TASOR2: variants seen among roughly 807,000 people sequenced by gnomAD.
TASOR2 encodes the protein transcription activation suppressor family member 2.
Under a neutral mutation model 199.5 loss-of-function variants are expected in TASOR2, and 84 were observed. That is an observed-to-expected ratio of 0.42 (90% CI 0.35 to 0.50). The LOEUF is 0.50. Among genes scored for constraint, TASOR2 ranks in the 20% least tolerant of loss-of-function variants. The probability of loss-of-function intolerance (pLI) is 0.02; values close to 1 mark genes in which losing one functional copy is unlikely to be tolerated. For synonymous variants in TASOR2, 1,103 were observed against 1,046.6 expected (o/e 1.05, Z -1.04); for missense variants, 2,796 against 2,835.9 (o/e 0.99, Z 0.32).
At chr10:5,704,804 T>C (rs776781579) in intron 1 of TASOR2, among the ~76,000 whole-genome samples, 5 of 152,214 alleles carry the variant, frequency 3.3e-5, no homozygotes, top group African/African-American at 7.2e-5. Context: ...CTTTAACTTA[T>C]GAACCATTTA....
intron 14 of TASOR2, among the ~76,000 whole-genome samples, chr10:5,743,499 T>G (rs75282168): frequency 0.024 from 3,692 of 152,278 alleles, 137 homozygotes; most frequent in Admixed American, 0.11. Context: ...GTAAAGAAAT[T>G]GCCTAAAGTC....
At chr10:5,759,882 A>G (rs1027463799) in intron 18 of TASOR2, among the ~76,000 whole-genome samples, 1 of 152,250 alleles carries the variant, frequency 6.6e-6, no homozygotes, top group African/African-American at 2.4e-5. Context: ...GGGTATGACC[A>G]TTCACAGCGG....
chr10:5,716,961 ATTTGTT>A (rs922199016), intron 2 of TASOR2, among the ~76,000 whole-genome samples: 8 of 134,182 alleles, frequency 6.0e-5, no homozygotes, highest in Non-Finnish European at 1.0e-4. Context: ...TATTTGCTTC[ATTTGTT>A]TAATTTTTTT....
chr10:5,736,055 A>AGCC (rs1835526823), intron 12 of TASOR2, among the ~76,000 whole-genome samples: 2 of 152,082 alleles, frequency 1.3e-5, no homozygotes, highest in South Asian at 4.1e-4. Flanking sequence ...CTCCCACCTC[A>AGCC]GCCCCCTCAA....
intron 2 of TASOR2, among the ~76,000 whole-genome samples, chr10:5,716,913 A>AATAT (rs1016030199): frequency 9.8e-4 from 144 of 147,574 alleles, no homozygotes; most frequent in African/African-American, 3.3e-3. Flanking sequence ...TATAAATATA[A>AATAT]ATATATATAT....
Position 5,699,278 on chromosome 10 carries a change from C to A in TASOR2, c.-287-13545C>A, listed in dbSNP as rs1837518408. 6.6e-6 allele frequency among the ~76,000 whole-genome samples: 1 copy of A among 152,094 alleles called. No homozygotes were observed. The highest frequency in any genetic ancestry group is 1.5e-5 in the Non-Finnish European group (1 of 67,994). On this transcript the variant is annotated intron_variant, in intron 1 of 20. Coordinates refer to ENST00000328090, the Ensembl canonical transcript of TASOR2. This position sits in a 1 kb window ranked among gnomAD's most constrained non-coding sequence, Gnocchi z 4.1. ...AGGAAATGGTCTGGAATAGGCAAATCTGTAGAGACCGAAAGTAAATTATGG... is the reference window on the plus strand; with the variant it reads ...AGGAAATGGTCTGGAATAGGCAAATATGTAGAGACCGAAAGTAAATTATGG...
At chr10:5,712,240 C>T in intron 1 of TASOR2, 1 of 448,672 alleles carries the variant, frequency 2.2e-6, no homozygotes, top group Non-Finnish European at 3.6e-6. Context: ...TTCTTTACAT[C>T]AGAGGTCTTT....
In TASOR2 at chr10:5,705,144, C is replaced by T. The variant is rs562460204; in HGVS notation, c.-287-7679C>T. ...CCAGAAAGTTCCCTTGTGCATACCCCACTTGTAGTCAATTTTCCTATTCCT... is the reference window on the plus strand; with the variant it reads ...CCAGAAAGTTCCCTTGTGCATACCCTACTTGTAGTCAATTTTCCTATTCCT... On this transcript the variant is annotated intron_variant, in intron 1 of 20. Coordinates refer to ENST00000328090, the Ensembl canonical transcript of TASOR2. Among the ~76,000 whole-genome samples, 285 of 152,298 alleles carry T rather than the reference C, an allele frequency of 1.9e-3. 1 individual carries two copies. Among genetic ancestry groups the T allele is most frequent in the African/African-American group, 6.4e-3 (265 of 41,560 alleles).
Position 5,756,611 on chromosome 10 carries a change from A to T in TASOR2, c.6607-2A>T, listed in dbSNP as rs1361488887. On this transcript the variant is annotated splice_acceptor_variant, in intron 15 of 20. Transcript: ENST00000328090. LOFTEE classifies it high-confidence loss of function. ...AATAATGGCTATTTGTAAATCTTTC[A>T]GAACCTTCTGAGGAAAGGAGGCCAT... 1.2e-6 allele frequency: 2 copies of T among 1,612,478 alleles called. No homozygotes were observed. Among genetic ancestry groups the T allele is most frequent in the Admixed American group, 3.3e-5 (2 of 59,818 alleles).
At chr10:5,739,591 CTCTT>C (rs745827462) in intron 12 of TASOR2, 23 bp from the exon 14 acceptor site, 41 of 1,582,380 alleles carry the variant, frequency 2.6e-5, no homozygotes, top group South Asian at 1.2e-5. Flanking sequence ...GCAAACATCT[CTCTT>C]TTTTTTTTCT....
chr10:5,685,367 C>T lies in TASOR2; in HGVS notation c.-288+192C>T, dbSNP rs1402450486. The stretch of plus-strand genomic sequence containing the variant: ...AGATGACTCAACCTTCTGTCCTGCG[C>T]TACAACCTGTGGCCGCGCTCGGTGT... On this transcript the variant is annotated intron_variant, in intron 1 of 20. Transcript: ENST00000328090. This position sits in a 1 kb window ranked among gnomAD's most constrained non-coding sequence, Gnocchi z 5.4. Among the ~76,000 whole-genome samples the T allele has an allele frequency of 2.0e-5, 3 of 152,022 alleles. No homozygotes were observed. Among genetic ancestry groups the T allele is most frequent in the Non-Finnish European group, 4.4e-5 (3 of 67,982 alleles).
At chr10:5,732,244 A>G (rs1355943966) in intron 11 of TASOR2, among the ~76,000 whole-genome samples, 1 of 152,224 alleles carries the variant, frequency 6.6e-6, no homozygotes, top group Non-Finnish European at 1.5e-5. Context: ...TCTCTAAAAG[A>G]GTAGGGAAGT....
intron 1 of TASOR2, among the ~76,000 whole-genome samples, chr10:5,700,788 G>T (rs1214522690): frequency 9.7e-6 from 1 of 103,556 alleles, no homozygotes; most frequent in African/African-American, 3.3e-5. Context: ...ATTTGTGGGG[G>T]TGTGTCTGTG....
chr10:5,747,207 A>G (rs1300383407), exon 15 of TASOR2: 2 of 1,614,172 alleles, frequency 1.2e-6, no homozygotes, highest in Admixed American at 1.7e-5. Flanking sequence ...TTATCAAACA[A>G]ACAAGCCTGT....
intron 2 of TASOR2, among the ~76,000 whole-genome samples, chr10:5,717,209 A>G (rs1832774683): frequency 6.6e-6 from 1 of 152,100 alleles, no homozygotes; most frequent in Admixed American, 6.5e-5. Flanking sequence ...TACTACTTGT[A>G]TGTCTTTTGT....
chr10:5,729,287 G>T (rs1834477156), intron 10 of TASOR2, among the ~76,000 whole-genome samples: 1 of 152,194 alleles, frequency 6.6e-6, no homozygotes. Context: ...GGCGGAGGTT[G>T]CAGTGAGATG....
chr10:5,746,925 T>C, exon 15 of TASOR2: 1 of 1,614,244 alleles, frequency 6.2e-7, no homozygotes, highest in East Asian at 2.2e-5. Flanking sequence ...CTAAAAGTTC[T>C]AGTCATCTAT....
At chr10:5,762,426 C>G (rs1397239843) in intron 19 of TASOR2, 106 bp from the exon 21 acceptor site, 6 of 380,140 alleles carry the variant, frequency 1.6e-5, no homozygotes, top group Non-Finnish European at 2.9e-5. Context: ...CCCTACCCCT[C>G]ACACGAGGAA....
intron 18 of TASOR2, 51 bp from the exon 20 acceptor site, chr10:5,761,239 C>A: frequency 1.3e-6 from 2 of 1,503,446 alleles, no homozygotes; most frequent in Non-Finnish European, 9.0e-7. Flanking sequence ...AAGAAAAAGT[C>A]CTAAGAATAA....
Sources: allele counts gnomAD v4.1 joint callset (sites outside exome capture counted in the v4.1 genomes callset), GRCh38; gene constraint gnomAD v4.1.1; non-coding constraint Gnocchi (gnomAD v3.1); transcripts MANE v1.5; gene names NCBI Gene and HGNC (gene_info 2026-07-23, HGNC 2026-07-21).